Variants in FAM53A observed in about 807,000 individuals in gnomAD.
FAM53A encodes family with sequence similarity 53 member A.
In FAM53A, 28 loss-of-function variants were observed where a neutral mutation model predicts 26.6. The observed-to-expected ratio is 1.05, with a 90% CI of 0.78 to 1.45. The LOEUF is 1.45. Ranked by LOEUF, FAM53A falls within the 40% of genes most tolerant of loss-of-function variation. FAM53A has a pLI of 0.00. For synonymous variants in FAM53A, 290 were observed against 253.1 expected (o/e 1.15, Z -1.38); for missense variants, 650 against 575.8 (o/e 1.13, Z -1.32).
At chr4:1,660,893 A>C (rs1713783066) in intron 2 of FAM53A, among the ~76,000 whole-genome samples, 1 of 151,670 alleles carries the variant, frequency 6.6e-6, no homozygotes, top group African/African-American at 2.4e-5. Flanking sequence ...AAAAAAAAAA[A>C]CTAAAAGTTT....
intron 3 of FAM53A, among the ~76,000 whole-genome samples, chr4:1,656,613 C>G (rs1435777100): frequency 6.6e-6 from 1 of 152,056 alleles, no homozygotes; most frequent in African/African-American, 2.4e-5. Flanking sequence ...GGTCTGACCC[C>G]GTGTGCAGGA....
At chr4:1,628,746 T>G (rs1405201415) in intron 1 of FAM53A, among the ~76,000 whole-genome samples, 2 of 5,620 alleles carry the variant, frequency 3.6e-4, no homozygotes, top group South Asian at 8.5e-3. Flanking sequence ...GGGGGGAGGG[T>G]GCCATGGGGG....
intron 1 of FAM53A, 107 bp from the exon 2 acceptor site, chr4:1,669,012 C>T (rs1030992299): frequency 5.2e-6 from 2 of 386,738 alleles, no homozygotes; most frequent in South Asian, 1.4e-4. Flanking sequence ...TCTGATATCC[C>T]ACCTCACAAA....
the FAM53A span, among the ~76,000 whole-genome samples, chr4:1,606,727 G>A: frequency 1.3e-5 from 2 of 152,338 alleles, no homozygotes; most frequent in South Asian, 2.1e-4. Flanking sequence ...TCTACTGCAC[G>A]GATGGACCCC....
chr4:1,620,526 C>T (rs1577080544), intron 1 of FAM53A, among the ~76,000 whole-genome samples: 1 of 151,740 alleles, frequency 6.6e-6, no homozygotes, highest in East Asian at 1.9e-4. Flanking sequence ...ATCAGCAATG[C>T]CAAAAACCTA....
At chr4:1,581,348 CCA>C in the FAM53A span, among the ~76,000 whole-genome samples, 3,333 of 152,300 alleles carry the variant, frequency 0.022, 116 homozygotes, top group African/African-American at 0.072. Context: ...GTCTTGCATG[CCA>C]CAGTTGCTCA....
intron 1 of FAM53A, among the ~76,000 whole-genome samples, chr4:1,628,999 T>G (rs1423188669): frequency 6.6e-6 from 1 of 151,856 alleles, no homozygotes; most frequent in East Asian, 1.9e-4. Context: ...TGAGTCCCCG[T>G]GACCGCGTGG....
the FAM53A span, among the ~76,000 whole-genome samples, chr4:1,575,978 C>T: frequency 6.6e-6 from 1 of 152,214 alleles, no homozygotes; most frequent in South Asian, 2.1e-4. Context: ...CCACACCCCC[C>T]ACCTGCCCGG....
the FAM53A span, among the ~76,000 whole-genome samples, chr4:1,597,422 G>A: frequency 6.6e-6 from 1 of 152,028 alleles, no homozygotes; most frequent in Non-Finnish European, 1.5e-5. Flanking sequence ...ACGCACTGGG[G>A]GACCAGGTTC....
chr4:1,599,337 C>T, the FAM53A span, among the ~76,000 whole-genome samples: 1 of 152,192 alleles, frequency 6.6e-6, no homozygotes, highest in African/African-American at 2.4e-5. The surrounding 1 kb of genome is among the most constrained non-coding windows in gnomAD (Gnocchi z 6.1). Flanking sequence ...TTGGCCGGAG[C>T]AGAAGCACAG....
At chr4:1,676,450 G>A (rs76196879) in intron 1 of FAM53A, among the ~76,000 whole-genome samples, 6 of 152,120 alleles carry the variant, frequency 3.9e-5, no homozygotes, top group African/African-American at 1.2e-4. Flanking sequence ...GTACTGGGGG[G>A]GGTCAGGACT....
At chr4:1,576,243 C>T in the FAM53A span, among the ~76,000 whole-genome samples, 3 of 152,210 alleles carry the variant, frequency 2.0e-5, no homozygotes, top group Non-Finnish European at 4.4e-5. Flanking sequence ...CCTCTTTGTG[C>T]CGGGGTAATA....
Position 1,666,451 on chromosome 4 carries a change from G to A in FAM53A, c.75+2216C>T, listed in dbSNP as rs114670395. Among the ~76,000 whole-genome samples the A allele has an allele frequency of 6.2e-3, 941 of 152,198 alleles. 13 individuals are homozygous for A. Among genetic ancestry groups the A allele is most frequent in the African/African-American group, 0.021 (885 of 41,458 alleles). On this transcript the variant is annotated intron_variant, in intron 2 of 4. Transcript: ENST00000308132. Reference sequence around the variant, plus strand: ...AAAATAAAAGCTGAAAAAAAAAGAGGTGAAGAGTGGCCACCTAAAGCACAG... The same window carrying A: ...AAAATAAAAGCTGAAAAAAAAAGAGATGAAGAGTGGCCACCTAAAGCACAG...
chr4:1,656,895 C>G (rs1012451832), intron 3 of FAM53A, among the ~76,000 whole-genome samples: 1 of 152,094 alleles, frequency 6.6e-6, no homozygotes, highest in Non-Finnish European at 1.5e-5. Flanking sequence ...GACCTGGGAC[C>G]CCAGGGTTAC....
chr4:1,681,953 AC>A (rs1259676695), intron 1 of FAM53A, among the ~76,000 whole-genome samples: 1 of 152,224 alleles, frequency 6.6e-6, no homozygotes, highest in Non-Finnish European at 1.5e-5. Context: ...GGACAGCTGC[AC>A]AAAGCCCCGG....
chr4:1,661,501 C>T (rs1205154827), intron 2 of FAM53A, among the ~76,000 whole-genome samples: 3 of 152,308 alleles, frequency 2.0e-5, no homozygotes, highest in African/African-American at 4.8e-5. Flanking sequence ...GACCTTCACA[C>T]GTGACCTTCA....
chr4:1,672,064 GACCCACAGACCCAGA>G (rs1714702738), intron 1 of FAM53A, among the ~76,000 whole-genome samples: 1 of 94,064 alleles, frequency 1.1e-5, no homozygotes, highest in Admixed American at 9.8e-5. Context: ...GGAACCCATG[GACCCACAGACCCAGA>G]ACCCACGAAC....
At chr4:1,602,281 A>G in the FAM53A span, among the ~76,000 whole-genome samples, 5 of 152,184 alleles carry the variant, frequency 3.3e-5, no homozygotes, top group Non-Finnish European at 5.9e-5. Flanking sequence ...ATTGCCTCCA[A>G]ATGAAAGTCT....
At chr4:1,616,731 C>G (rs531079939), downstream of FAM53A, among the ~76,000 whole-genome samples, 3 of 152,338 alleles carry the variant, frequency 2.0e-5, no homozygotes, top group Non-Finnish European at 4.4e-5. Context: ...GACAGTCACA[C>G]TGTTGCCTGC....
Sources: allele counts gnomAD v4.1 joint callset (sites outside exome capture counted in the v4.1 genomes callset), GRCh38; gene constraint gnomAD v4.1.1; non-coding constraint Gnocchi (gnomAD v3.1); transcripts MANE v1.5; gene names NCBI Gene and HGNC (gene_info 2026-07-23, HGNC 2026-07-21).